Variants in PRKD1 observed in about 807,000 individuals in gnomAD.
PRKD1 encodes the protein serine/threonine-protein kinase D1.
Under a neutral mutation model 95.9 loss-of-function variants are expected in PRKD1, and 63 were observed. The observed-to-expected ratio is 0.66, with a 90% CI of 0.54 to 0.81. The LOEUF (loss-of-function observed/expected upper bound fraction) is 0.81. Ranked by LOEUF, PRKD1 falls within the 30% of genes least tolerant of loss-of-function variation. PRKD1 has a pLI of 0.00. For synonymous variants in PRKD1, 425 were observed against 423.1 expected, an observed-to-expected ratio of 1.00 and a Z score of -0.05; for missense variants, 1,048 against 1,165.3, an observed-to-expected ratio of 0.90 and a Z score of 1.47.
chr14:29,647,089 A>G (rs1300139043), intron 4 of PRKD1, among the ~76,000 whole-genome samples: 1 of 152,188 alleles, frequency 6.6e-6, no homozygotes, highest in Non-Finnish European at 1.5e-5. Flanking sequence ...AAGCAAAAAA[A>G]AAATATGTGC....
intron 1 of PRKD1, among the ~76,000 whole-genome samples, chr14:29,728,928 A>G (rs1594465038): frequency 6.6e-6 from 1 of 152,264 alleles, no homozygotes. Context: ...AGAGCCTTCC[A>G]ATGTCTTTTC....
intron 1 of PRKD1, among the ~76,000 whole-genome samples, chr14:29,785,650 C>T (rs934135617): frequency 7.6e-6 from 1 of 132,302 alleles, no homozygotes; most frequent in African/African-American, 2.9e-5. Context: ...GGAAGGGGAA[C>T]ATCACACTCT....
At chr14:29,816,613 C>T (rs1047857879) in intron 1 of PRKD1, among the ~76,000 whole-genome samples, 1 of 152,126 alleles carries the variant, frequency 6.6e-6, no homozygotes, top group South Asian at 2.1e-4. Flanking sequence ...TGCTAGGTGA[C>T]TTTTTCTCTT....
intron 1 of PRKD1, among the ~76,000 whole-genome samples, chr14:29,747,033 T>G (rs1196197647): frequency 6.6e-6 from 1 of 152,178 alleles, no homozygotes; most frequent in African/African-American, 2.4e-5. Flanking sequence ...TCAACGTAAG[T>G]AGCTTTAAAA....
intron 1 of PRKD1, among the ~76,000 whole-genome samples, chr14:29,878,460 A>G (rs1012301944): frequency 3.9e-5 from 6 of 152,188 alleles, no homozygotes; most frequent in African/African-American, 1.2e-4. Flanking sequence ...TTGTACAACA[A>G]TGTTCACAGC....
At chr14:29,638,964 T>A in intron 4 of PRKD1, 60 bp from the exon 5 acceptor site, 1 of 1,301,892 alleles carries the variant, frequency 7.7e-7, no homozygotes, top group Non-Finnish European at 1.1e-6. Flanking sequence ...TTTATATATT[T>A]ATATATTTTA....
chr14:29,715,368 T>A (rs1566557117), intron 2 of PRKD1, among the ~76,000 whole-genome samples: 1 of 152,238 alleles, frequency 6.6e-6, no homozygotes, highest in Non-Finnish European at 1.5e-5. Flanking sequence ...ATTAGCCACA[T>A]GTCTCTATTG....
At chr14:29,737,749 A>C (rs1023185292) in intron 1 of PRKD1, among the ~76,000 whole-genome samples, 2 of 152,206 alleles carry the variant, frequency 1.3e-5, no homozygotes, top group African/African-American at 4.8e-5. Context: ...TGTAAGGGAC[A>C]GTCCAAAGTT....
At chr14:29,902,260 CAA>C (rs771150427) in intron 1 of PRKD1, among the ~76,000 whole-genome samples, 20 of 121,000 alleles carry the variant, frequency 1.7e-4, no homozygotes, top group Admixed American at 3.4e-4. Flanking sequence ...ACTCCATCTC[CAA>C]AAAAAAAAAA....
chr14:29,765,830 AT>A lies in PRKD1; in HGVS notation c.265-40157del, dbSNP rs531290471. 6.9e-3 allele frequency among the ~76,000 whole-genome samples: 1,054 copies of A among 152,314 alleles called. 5 individuals carry two copies. The highest frequency in any genetic ancestry group is 0.024 in the African/African-American group (984 of 41,580). Reference sequence around the variant, plus strand: ...TTCAAAAACAAGACCAAACAATATTATTTAGGTATGTACATATAGGTGGTAA... The same window carrying A: ...TTCAAAAACAAGACCAAACAATATTATTAGGTATGTACATATAGGTGGTAA... On this transcript the variant is annotated intron_variant, in intron 1 of 17. Coordinates refer to ENST00000331968, the MANE Select transcript of PRKD1 (RefSeq NM_002742.3).
At chr14:29,655,928 T>C (rs1204100239) in intron 4 of PRKD1, among the ~76,000 whole-genome samples, 1 of 149,392 alleles carries the variant, frequency 6.7e-6, no homozygotes, top group African/African-American at 2.4e-5. Context: ...ATAAAAAATA[T>C]ATATATATAT....
intron 1 of PRKD1, among the ~76,000 whole-genome samples, chr14:29,904,279 GATTT>G (rs1466210705): frequency 6.6e-6 from 1 of 152,156 alleles, no homozygotes; most frequent in South Asian, 2.1e-4. Context: ...TGTTTATTCA[GATTT>G]ATTAAACCGC....
intron 1 of PRKD1, among the ~76,000 whole-genome samples, chr14:29,742,088 A>C (rs1887004390): frequency 6.6e-6 from 1 of 152,160 alleles, no homozygotes; most frequent in African/African-American, 2.4e-5. Context: ...TGTACTGATA[A>C]GTGGACAGTG....
At chr14:29,743,420 T>C (rs1255466603) in intron 1 of PRKD1, among the ~76,000 whole-genome samples, 1 of 152,044 alleles carries the variant, frequency 6.6e-6, no homozygotes, top group East Asian at 1.9e-4. Flanking sequence ...TATATATATA[T>C]GGAGAAAGAG....
chr14:29,804,082 A>C (rs1393304977), intron 1 of PRKD1, among the ~76,000 whole-genome samples: 1 of 152,020 alleles, frequency 6.6e-6, no homozygotes, highest in Admixed American at 6.6e-5. Context: ...TCTCTACTAA[A>C]AATACAAAAA....
chr14:29,655,240 C>T (rs1428147983), intron 4 of PRKD1, among the ~76,000 whole-genome samples: 4 of 152,208 alleles, frequency 2.6e-5, no homozygotes, highest in African/African-American at 7.2e-5. Flanking sequence ...TAAAAAATTA[C>T]ACTCACCTAG....
At chr14:29,580,833 A>G (rs1390331552) in intron 16 of PRKD1, among the ~76,000 whole-genome samples, 1 of 152,110 alleles carries the variant, frequency 6.6e-6, no homozygotes, top group Non-Finnish European at 1.5e-5. Flanking sequence ...TGTATAAATC[A>G]TTCATTTATC....
At chr14:29,720,884 T>G (rs1371090773) in intron 2 of PRKD1, among the ~76,000 whole-genome samples, 1 of 152,132 alleles carries the variant, frequency 6.6e-6, no homozygotes, top group Admixed American at 6.5e-5. Context: ...TCCTGAGAAA[T>G]TAGTTCTTCA....
At chr14:29,641,295 C>T (rs1880745278) in intron 4 of PRKD1, among the ~76,000 whole-genome samples, 1 of 152,104 alleles carries the variant, frequency 6.6e-6, no homozygotes, top group Non-Finnish European at 1.5e-5. Context: ...ACCATTCATG[C>T]CATTTTAAAT....
Sources: gnomAD v4.1 joint callset for allele counts (sites outside exome capture counted in the v4.1 genomes callset) on GRCh38, gnomAD v4.1.1 for gene constraint, MANE v1.5 for transcripts, NCBI Gene and HGNC (gene_info 2026-07-23, HGNC 2026-07-21) for gene names.